Variants in SHROOM3 observed in about 807,000 individuals in gnomAD.
SHROOM3 encodes shroom family member 3.
In SHROOM3, 47 loss-of-function variants were observed where a neutral mutation model predicts 138.6. The observed-to-expected ratio is 0.34, with a 90% CI of 0.27 to 0.43. The LOEUF (loss-of-function observed/expected upper bound fraction) is 0.43. SHROOM3 is among the 20% of genes least tolerant of loss of function. The pLI is 1.00. For synonymous variants in SHROOM3, 1,062 were observed against 1,063.3 expected (o/e 1.00, Z 0.02); for missense variants, 2,491 against 2,596.5 (o/e 0.96, Z 0.88).
chr4:76,578,258 T>C (rs2110041972), intron 2 of SHROOM3, among the ~76,000 whole-genome samples: 1 of 152,328 alleles, frequency 6.6e-6, no homozygotes, highest in East Asian at 1.9e-4. Context: ...CATAACCTAT[T>C]ACAAACTCAG....
rs140297970 is a variant in SHROOM3, at chr4:76,719,669, A to G, written c.455+9382A>G. Among the ~76,000 whole-genome samples the G allele has an allele frequency of 1.5e-4, 23 of 150,788 alleles. No homozygotes were observed. In the East Asian group the frequency reaches 3.9e-3, roughly 26 times the overall value. On this transcript the variant is annotated intron_variant, in intron 3 of 10. Coordinates refer to ENST00000296043, the MANE Select transcript of SHROOM3 (RefSeq NM_020859.4). ...AGAGGGGAATATTGGGGAAAAAAACATTTCAATTTGTTACCCCCCGGCAAT... is the reference window on the plus strand; with the variant it reads ...AGAGGGGAATATTGGGGAAAAAAACGTTTCAATTTGTTACCCCCCGGCAAT...
At position 76,441,086 on chromosome 4, in the gene SHROOM3, G is replaced by GTTTTTTTTTTTTTTT. The variant is rs374530154; in HGVS notation, c.168+4873_168+4887dup. On this transcript the variant is annotated intron_variant, in intron 1 of 10. Coordinates refer to ENST00000296043, the MANE Select transcript of SHROOM3 (RefSeq NM_020859.4). ...TCAGCCACAGTCCTGAGTTCAATTTGTTTTTTTTTTTTTTTTTTTTTGAGA... is the reference window on the plus strand; with the variant it reads ...TCAGCCACAGTCCTGAGTTCAATTTGTTTTTTTTTTTTTTTTTTTTTTTTTTTTTTTTTTTTGAGA... 3.3e-4 allele frequency among the ~76,000 whole-genome samples: 27 copies of GTTTTTTTTTTTTTTT among 82,184 alleles called. 3 individuals carry two copies. The highest frequency in any genetic ancestry group is 6.0e-4 in the Admixed American group (3 of 5,036). 53.9% of individuals were successfully genotyped at this position (82,184 alleles called of 152,430 possible).
At chr4:76,751,012 G>T (rs1466618975) in intron 6 of SHROOM3, among the ~76,000 whole-genome samples, 1 of 152,176 alleles carries the variant, frequency 6.6e-6, no homozygotes, top group Non-Finnish European at 1.5e-5. Context: ...CTGGGGAAAA[G>T]CATAGGCATG....
chr4:76,478,624 T>C (rs1316590298), intron 1 of SHROOM3, among the ~76,000 whole-genome samples: 1 of 152,204 alleles, frequency 6.6e-6, no homozygotes, highest in Non-Finnish European at 1.5e-5. Flanking sequence ...GTGCTCGAGC[T>C]ATGCTAAGGG....
intron 1 of SHROOM3, among the ~76,000 whole-genome samples, chr4:76,526,635 C>T (rs1023353730): frequency 3.3e-5 from 5 of 152,170 alleles, no homozygotes; most frequent in African/African-American, 9.7e-5. Flanking sequence ...ATAGCCTTCC[C>T]TAACGTACTG....
In SHROOM3 at chr4:76,436,212, A is replaced by T. The variant is rs1730560999; in HGVS notation, c.160A>T (p.Ile54Phe). 2.5e-6 allele frequency: 4 copies of T among 1,613,988 alleles called. No homozygotes were observed. The highest frequency in any genetic ancestry group is 3.4e-6 in the Non-Finnish European group (4 of 1,179,886). ...CCTGGAGCACGGAGAACCATTAATC[A>T]TCTCTAAGGTATGTTTCTTTTTCCA... ...GGLEHGEPLIISKVEEGGKAD... is the reference protein window; with the variant it reads ...GGLEHGEPLIFSKVEEGGKAD... Residue 54 changes from isoleucine (I) to phenylalanine (F), a missense_variant, in exon 1 of 11, where the codon ATC becomes TTC. Transcript: ENST00000296043.
intron 2 of SHROOM3, among the ~76,000 whole-genome samples, chr4:76,705,167 G>A (rs910286770): frequency 3.3e-5 from 5 of 152,082 alleles, no homozygotes; most frequent in African/African-American, 1.2e-4. Flanking sequence ...CAGTTAATGG[G>A]TACTATTAAA....
intron 2 of SHROOM3, among the ~76,000 whole-genome samples, chr4:76,624,835 A>G (rs1311975846): frequency 6.6e-6 from 1 of 152,216 alleles, no homozygotes; most frequent in Non-Finnish European, 1.5e-5. Context: ...AAGACTTGCT[A>G]TGTTTACAAA....
At chr4:76,570,335 A>G (rs1039208704) in intron 2 of SHROOM3, among the ~76,000 whole-genome samples, 2 of 152,040 alleles carry the variant, frequency 1.3e-5, no homozygotes, top group Non-Finnish European at 2.9e-5. Flanking sequence ...CTTCATAACA[A>G]CTGTGCTGAC....
chr4:76,739,588 C>T lies in SHROOM3; in HGVS notation c.1415C>T (p.Ser472Phe). 6.2e-7 allele frequency: 1 copy of T among 1,614,200 alleles called. No individual in the cohort carries two copies. Among genetic ancestry groups the T allele is most frequent in the Non-Finnish European group, 8.5e-7 (1 of 1,180,030 alleles). The change falls in exon 5 of 11, where the codon TCC becomes TTC. Residue 472 changes from serine (S) to phenylalanine (F), a missense_variant. Ser to Phe is a radical substitution (Grantham distance 155, BLOSUM62 -2). This residue lies in a region of SHROOM3 where 1,733 missense variants were observed against 1,661.6 expected (regional missense o/e 1.04). Transcript: ENST00000296043. ...LLPTSIYPVP[S>F]LEPHFAQVPQ... is the part of the protein sequence containing the mutation. ...CCGACCAGCATCTACCCGGTACCTT[C>T]CCTGGAGCCACACTTTGCCCAGGTG...
intron 6 of SHROOM3, among the ~76,000 whole-genome samples, chr4:76,749,355 G>A (rs956432363): frequency 2.7e-4 from 41 of 152,148 alleles, no homozygotes; most frequent in Admixed American, 2.6e-3. Context: ...CATTTAGCAT[G>A]GAGAACTTTT....
At chr4:76,480,057 A>G (rs1218987092) in intron 1 of SHROOM3, among the ~76,000 whole-genome samples, 1 of 152,262 alleles carries the variant, frequency 6.6e-6, no homozygotes, top group Non-Finnish European at 1.5e-5. Flanking sequence ...CACTATGAAG[A>G]AACTGCATCA....
At chr4:76,642,577 C>T (rs951783159) in intron 2 of SHROOM3, among the ~76,000 whole-genome samples, 2 of 152,002 alleles carry the variant, frequency 1.3e-5, no homozygotes, top group Admixed American at 1.3e-4. Flanking sequence ...ACCATAGTGG[C>T]AGGATGAGGC....
rs771119974 is a variant in SHROOM3 at position 76,739,316 on chromosome 4, T to A, written c.1143T>A (p.Gly381=). 3.7e-6 allele frequency: 6 copies of A among 1,613,874 alleles called. No individual in the cohort carries two copies. Among genetic ancestry groups the A allele is most frequent in the Non-Finnish European group, 5.1e-6 (6 of 1,179,914 alleles). ...TATDNLPPKV[G]APLPPARSDS... ...CGGACAACCTTCCTCCTAAGGTGGGTGCACCCCTGCCTCCAGCTCGGAGTG... is the reference window on the plus strand; with the variant it reads ...CGGACAACCTTCCTCCTAAGGTGGGAGCACCCCTGCCTCCAGCTCGGAGTG... The change falls in exon 5 of 11, where the codon GGT becomes GGA. Residue 381 remains glycine (G), a synonymous_variant. Coordinates refer to ENST00000296043, the MANE Select transcript of SHROOM3 (RefSeq NM_020859.4).
intron 1 of SHROOM3, among the ~76,000 whole-genome samples, chr4:76,551,014 AT>A (rs1207514307): frequency 6.7e-6 from 1 of 150,226 alleles, no homozygotes; most frequent in East Asian, 2.0e-4. Flanking sequence ...GCTAGGATGA[AT>A]TTTTTTTCGA....
rs528891360 is a variant in SHROOM3, at chr4:76,510,343, A to G, written c.169-45266A>G. On this transcript the variant is annotated intron_variant, in intron 1 of 10. Coordinates refer to ENST00000296043, the MANE Select transcript of SHROOM3 (RefSeq NM_020859.4). ...TGAGGTAAAGTCAGTATAATCAGTAATAAAAAATGGGGGCAAGAGCACAGA... is the reference window on the plus strand; with the variant it reads ...TGAGGTAAAGTCAGTATAATCAGTAGTAAAAAATGGGGGCAAGAGCACAGA... Among the ~76,000 whole-genome samples, 16 of 152,354 alleles carry G rather than the reference A, an allele frequency of 1.1e-4. No individual in the cohort carries two copies. In the East Asian group the frequency reaches 2.9e-3, roughly 28 times the overall value.
chr4:76,558,812 A>G (rs1733540018), intron 2 of SHROOM3, among the ~76,000 whole-genome samples: 1 of 152,174 alleles, frequency 6.6e-6, no homozygotes. Context: ...GTGATTTCCA[A>G]CTCCAAGTGA....
At chr4:76,609,298 G>A (rs1348745449) in intron 2 of SHROOM3, among the ~76,000 whole-genome samples, 6 of 152,066 alleles carry the variant, frequency 3.9e-5, no homozygotes, top group Non-Finnish European at 8.8e-5. Context: ...TTGTTTGTTT[G>A]TTTGTTTTGG....
At position 76,740,773 on chromosome 4, in the gene SHROOM3, T is replaced by C. The variant is rs1486847146; in HGVS notation, c.2600T>C (p.Leu867Pro). The C allele has an allele frequency of 2.5e-6, 4 of 1,612,474 alleles. No homozygotes were observed. The highest frequency in any genetic ancestry group is 2.5e-6 in the Non-Finnish European group (3 of 1,179,882). The change falls in exon 5 of 11, where the codon CTG becomes CCG. Residue 867 changes from leucine (L) to proline (P), a missense_variant. Leu to Pro is a moderately conservative substitution (Grantham distance 98). This residue lies in a region of SHROOM3 where 1,733 missense variants were observed against 1,661.6 expected (regional missense o/e 1.04). Coordinates refer to ENST00000296043, the MANE Select transcript of SHROOM3 (RefSeq NM_020859.4). This position sits in a 1 kb window ranked among gnomAD's most constrained non-coding sequence, Gnocchi z 4.0. Reference sequence around the variant, plus strand: ...TCCCGGCAGCCCTGCGGTCAGCAGCTGAGCGGAGGAGCGTCGGACAGCGGC... The same window carrying C: ...TCCCGGCAGCCCTGCGGTCAGCAGCCGAGCGGAGGAGCGTCGGACAGCGGC... ...EASRQPCGQQ[L>P]SGGASDSGRG...
Sources: allele counts gnomAD v4.1 joint callset (sites outside exome capture counted in the v4.1 genomes callset), GRCh38; gene constraint gnomAD v4.1.1; regional missense constraint gnomAD v4.1.1; non-coding constraint Gnocchi (gnomAD v3.1); transcripts MANE v1.5; gene names NCBI Gene and HGNC (gene_info 2026-07-23, HGNC 2026-07-21).